Variants in SRD5A2 observed in about 807,000 individuals in gnomAD.
SRD5A2 encodes steroid 5 alpha-reductase 2.
Under a neutral mutation model 27.4 loss-of-function variants are expected in SRD5A2, and 30 were observed. That is an observed-to-expected ratio of 1.10 (90% CI 0.82 to 1.49). The LOEUF is 1.49. Among genes scored for constraint, SRD5A2 ranks in the 40% most tolerant of loss-of-function variants. The pLI, the probability that SRD5A2 is intolerant of heterozygous loss-of-function variation, is 0.00. For missense variants in SRD5A2, 348 were observed against 323.4 expected (o/e 1.08, Z -0.58); for synonymous variants, 141 against 133.6 (o/e 1.06, Z -0.38).
rs1665732968 is a variant in SRD5A2, at chr2:31,524,659, T to C, written c.*1537A>G. The C allele has an allele frequency of 4.3e-6, 1 of 230,988 alleles. No individual in the cohort carries two copies. The highest frequency in any genetic ancestry group is 8.6e-6 in the Non-Finnish European group (1 of 116,594). 14.3% of individuals were successfully genotyped at this position (230,988 alleles called of 1,614,324 possible). On this transcript the variant is annotated 3_prime_UTR_variant, in exon 5 of 5. Transcript: ENST00000622030. ...TTGCAATTTGCATTTTTCAGTAATCTACATCATCCTCAGACCTTTCAAGTT... is the reference window on the plus strand; with the variant it reads ...TTGCAATTTGCATTTTTCAGTAATCCACATCATCCTCAGACCTTTCAAGTT...
intron 3 of SRD5A2, among the ~76,000 whole-genome samples, 180 bp downstream of exon 3, chr2:31,531,191 T>C (rs968100537): frequency 2.6e-5 from 4 of 152,178 alleles, no homozygotes; most frequent in African/African-American, 9.7e-5. Flanking sequence ...AGCTTCTGGG[T>C]TCAGATTAGA....
intron 1 of SRD5A2, among the ~76,000 whole-genome samples, 151 bp from the exon 2 acceptor site, chr2:31,533,917 A>T (rs950911390): frequency 6.6e-6 from 1 of 152,218 alleles, no homozygotes; most frequent in African/African-American, 2.4e-5. Flanking sequence ...CTCCAGGAGG[A>T]TGTATATCAC....
the SRD5A2 span, among the ~76,000 whole-genome samples, chr2:31,621,973 A>G: frequency 6.7e-6 from 1 of 149,474 alleles, no homozygotes; most frequent in African/African-American, 2.5e-5. Flanking sequence ...TTTTTCTTGA[A>G]CTTTTAAGTC....
intron 1 of SRD5A2, among the ~76,000 whole-genome samples, chr2:31,571,340 A>G (rs970372969): frequency 6.6e-6 from 1 of 152,132 alleles, no homozygotes; most frequent in Non-Finnish European, 1.5e-5. Flanking sequence ...GAACTGGACC[A>G]CTACCTTACA....
intron 1 of SRD5A2, among the ~76,000 whole-genome samples, chr2:31,534,615 CATGCACACACACATGTACAA>C (rs1272629609): frequency 2.0e-5 from 3 of 152,200 alleles, no homozygotes; most frequent in Non-Finnish European, 1.5e-5. Flanking sequence ...CACACATATG[CATGCACACACACATGTACAA>C]ATGCACACGC....
At chr2:31,580,978 G>C (rs2148107544), upstream of SRD5A2, 1 of 1,452,734 alleles carries the variant, frequency 6.9e-7, no homozygotes, top group African/African-American at 1.4e-5. Flanking sequence ...TGGAGCGCCA[G>C]ACGCCACCCG....
chr2:31,579,590 C>A (rs1156279908), intron 1 of SRD5A2, among the ~76,000 whole-genome samples: 1 of 152,212 alleles, frequency 6.6e-6, no homozygotes, highest in Non-Finnish European at 1.5e-5. Flanking sequence ...TCTTAGCGGG[C>A]ACCAGCTGTA....
At chr2:31,567,236 T>G (rs1241003905) in intron 1 of SRD5A2, among the ~76,000 whole-genome samples, 1 of 152,122 alleles carries the variant, frequency 6.6e-6, no homozygotes, top group East Asian at 1.9e-4. Context: ...CCTCCTCTAC[T>G]CACACCTCAA....
At chr2:31,552,450 A>G (rs1271760905) in intron 1 of SRD5A2, among the ~76,000 whole-genome samples, 2 of 151,986 alleles carry the variant, frequency 1.3e-5, no homozygotes, top group Non-Finnish European at 2.9e-5. Flanking sequence ...TGGAACATTG[A>G]CAGTACTGCC....
At chr2:31,601,836 G>C in the SRD5A2 span, among the ~76,000 whole-genome samples, 1 of 151,914 alleles carries the variant, frequency 6.6e-6, no homozygotes, top group Non-Finnish European at 1.5e-5. Flanking sequence ...GATGCAGAAA[G>C]GGCCTTCAAT....
chr2:31,530,285 G>A (rs1387367337), intron 3 of SRD5A2, among the ~76,000 whole-genome samples: 1 of 152,128 alleles, frequency 6.6e-6, no homozygotes. Flanking sequence ...TTGGCAACTG[G>A]TTTTCAAGTG....
chr2:31,637,388 A>G, the SRD5A2 span, among the ~76,000 whole-genome samples: 104 of 152,178 alleles, frequency 6.8e-4, 3 homozygotes, highest in East Asian at 0.02. Context: ...AGGTTGTAGC[A>G]AAGAAGCCAG....
At position 31,554,961 on chromosome 2, in the gene SRD5A2, G is replaced by A. The variant is rs1041032557; in HGVS notation, c.282-21195C>T. ...TGTGTGTGTGTGTGTGTGTGTGTGT[G>A]TGTGTGTATGTGTGTGTGTGTGTTA... On this transcript the variant is annotated intron_variant, in intron 1 of 4. Coordinates refer to ENST00000622030, the MANE Select transcript of SRD5A2 (RefSeq NM_000348.4). 2.6e-3 allele frequency among the ~76,000 whole-genome samples: 377 copies of A among 145,764 alleles called. 1 individual carries two copies. The highest frequency in any genetic ancestry group is 4.3e-3 in the Non-Finnish European group (284 of 65,994).
the SRD5A2 span, among the ~76,000 whole-genome samples, chr2:31,631,370 ACG>A: frequency 6.6e-6 from 1 of 152,158 alleles, no homozygotes; most frequent in African/African-American, 2.4e-5. Context: ...ATGGGTGTTT[ACG>A]CACCCTGGAA....
chr2:31,590,642 A>T, the SRD5A2 span, among the ~76,000 whole-genome samples: 3 of 152,200 alleles, frequency 2.0e-5, no homozygotes, highest in African/African-American at 7.2e-5. Flanking sequence ...AGCCAAAAGA[A>T]CAAAGCTGGA....
At chr2:31,532,593 T>A (rs1005742196) in intron 2 of SRD5A2, among the ~76,000 whole-genome samples, 1 of 152,036 alleles carries the variant, frequency 6.6e-6, no homozygotes, top group African/African-American at 2.4e-5. Context: ...CCAGAAACAC[T>A]CACCGTCCCA....
the SRD5A2 span, among the ~76,000 whole-genome samples, chr2:31,596,414 C>A: frequency 1.3e-5 from 2 of 150,922 alleles, no homozygotes; most frequent in African/African-American, 4.9e-5. Flanking sequence ...AAAAGCATTC[C>A]CCCTGCAGAC....
chr2:31,654,535 T>C, the SRD5A2 span, among the ~76,000 whole-genome samples: 3 of 152,200 alleles, frequency 2.0e-5, no homozygotes, highest in Non-Finnish European at 4.4e-5. Flanking sequence ...TTGAGTAACA[T>C]GTAATGCAGC....
At chr2:31,618,811 A>G in the SRD5A2 span, among the ~76,000 whole-genome samples, 1 of 152,132 alleles carries the variant, frequency 6.6e-6, no homozygotes, top group Non-Finnish European at 1.5e-5. Flanking sequence ...ATATTTCAAA[A>G]TTGCTTACCT....
Sources: gnomAD v4.1 joint callset for allele counts (sites outside exome capture counted in the v4.1 genomes callset) on GRCh38, gnomAD v4.1.1 for gene constraint, MANE v1.5 for transcripts, NCBI Gene and HGNC (gene_info 2026-07-23, HGNC 2026-07-21) for gene names.